ACAP2: variants seen among roughly 807,000 people sequenced by gnomAD.
ACAP2 encodes arf-GAP with coiled-coil, ANK repeat and PH domain-containing protein 2.
Under a neutral mutation model 115.8 loss-of-function variants are expected in ACAP2, and 39 were observed. The ratio of observed to expected loss-of-function variants is 0.34; its 90% CI spans 0.26 to 0.44. ACAP2 has a LOEUF of 0.44. Ranked by LOEUF, ACAP2 falls within the 20% of genes least tolerant of loss-of-function variation. The pLI is 1.00. For synonymous variants in ACAP2, 289 were observed against 315.8 expected, an observed-to-expected ratio of 0.92 and a Z score of 0.90; for missense variants, 662 against 927.6, an observed-to-expected ratio of 0.71 and a Z score of 3.72.
intron 8 of ACAP2, among the ~76,000 whole-genome samples, chr3:195,330,969 G>A (rs1161727429): frequency 6.6e-6 from 1 of 152,268 alleles, no homozygotes; most frequent in Non-Finnish European, 1.5e-5. Context: ...ACATAAGCCT[G>A]CACTCCTGCT....
intron 1 of ACAP2, among the ~76,000 whole-genome samples, chr3:195,411,687 T>C (rs1713272648): frequency 1.3e-5 from 2 of 152,158 alleles, no homozygotes; most frequent in Non-Finnish European, 2.9e-5. Context: ...AATAAATTTC[T>C]AGATCAAACC....
rs1733865683 is a variant in ACAP2 at position 195,380,406 on chromosome 3, G to A, written c.285+603C>T. On this transcript the variant is annotated intron_variant, in intron 4 of 22. Transcript: ENST00000326793. ...AAATAATTATACAACAGCCATATCA[G>A]TTAAGCTTTTTAAAAAATATAAGAA... is the stretch of plus-strand genomic sequence containing the variant. Among the ~76,000 whole-genome samples the A allele has an allele frequency of 2.6e-5, 4 of 152,114 alleles. No homozygotes were observed. The South Asian group carries it at 8.3e-4, about 31-fold the overall frequency.
At chr3:195,349,884 A>G in intron 4 of ACAP2, 1 of 284,822 alleles carries the variant, frequency 3.5e-6, no homozygotes, top group South Asian at 3.6e-5. Flanking sequence ...ACAAAGGAAC[A>G]AGCAATATCT....
chr3:195,430,351 G>A (rs1715022959), intron 1 of ACAP2, among the ~76,000 whole-genome samples: 1 of 152,096 alleles, frequency 6.6e-6, no homozygotes, highest in Non-Finnish European at 1.5e-5. Flanking sequence ...TTTTTAAAGT[G>A]TATATATTTT....
chr3:195,327,458 T>G (rs1729868088), intron 8 of ACAP2, among the ~76,000 whole-genome samples: 1 of 152,182 alleles, frequency 6.6e-6, no homozygotes, highest in Non-Finnish European at 1.5e-5. Context: ...TGCTTCTTCA[T>G]GTTTTCAGGT....
At chr3:195,312,819 TA>T (rs1336339555) in intron 10 of ACAP2, 1 of 152,198 alleles carries the variant, frequency 6.6e-6, no homozygotes, top group Non-Finnish European at 1.5e-5. Context: ...CTTCCCAATT[TA>T]AAACATAAAG....
chr3:195,289,216 G>A lies in ACAP2; in HGVS notation c.2079C>T (p.Phe693=). Reference sequence around the variant, plus strand: ...CATGTTGATTGGCACCTCGTTTTAGGAATAAACATACCTGCCTGTTTAAGA... The same window carrying A: ...CATGTTGATTGGCACCTCGTTTTAGAAATAAACATACCTGCCTGTTTAAGA... The part of the protein sequence containing the change: ...VLGHTGQVCL[F]LKRGANQHAT... The change falls in exon 21 of 23, where the codon TTC becomes TTT. Residue 693 remains phenylalanine, a synonymous_variant. Transcript: ENST00000326793. The A allele has an allele frequency of 6.2e-7, 1 of 1,611,116 alleles. No homozygotes were observed. Among genetic ancestry groups the A allele is most frequent in the Non-Finnish European group, 8.5e-7 (1 of 1,178,832 alleles).
Position 195,435,398 on chromosome 3 carries a change from C to T in ACAP2, c.53+7397G>A, listed in dbSNP as rs1000788823. Among the ~76,000 whole-genome samples the T allele has an allele frequency of 6.6e-5, 10 of 152,080 alleles. 1 individual carries two copies. In the South Asian group the frequency reaches 2.1e-3, roughly 32 times the overall value. ...CCATGTTGGTCTCTCAATCTCCTGA[C>T]CTCGTGATCCACCCACCTCGGCCTC... On this transcript the variant is annotated intron_variant, in intron 1 of 22. Transcript: ENST00000326793.
intron 22 of ACAP2, among the ~76,000 whole-genome samples, chr3:195,283,752 C>A (rs1726657790): frequency 6.6e-6 from 1 of 152,156 alleles, no homozygotes; most frequent in Non-Finnish European, 1.5e-5. Context: ...AAATCTAACC[C>A]TTCTCAAGAT....
At chr3:195,380,446 A>AG (rs1210275527) in intron 4 of ACAP2, among the ~76,000 whole-genome samples, 2 of 152,226 alleles carry the variant, frequency 1.3e-5, no homozygotes, top group Non-Finnish European at 2.9e-5. Flanking sequence ...ACAGCTTATA[A>AG]GCTGCCATAT....
chr3:195,325,419 T>C (rs1267282460), intron 9 of ACAP2: 2 of 316,304 alleles, frequency 6.3e-6, no homozygotes, highest in South Asian at 2.5e-5. Flanking sequence ...GACTGATTTT[T>C]TTTTTTTTTT....
At chr3:195,299,903 T>C (rs927876625) in intron 15 of ACAP2, among the ~76,000 whole-genome samples, 1 of 152,100 alleles carries the variant, frequency 6.6e-6, no homozygotes, top group Non-Finnish European at 1.5e-5. Flanking sequence ...CTACACTAAA[T>C]AAATTCACAA....
chr3:195,294,580 A>G (rs1252421894), intron 18 of ACAP2, 139 bp downstream of exon 18: 3 of 89,282 alleles, frequency 3.4e-5, no homozygotes, highest in Admixed American at 2.5e-4. Context: ...CTCCATCTCA[A>G]AAAAAAAAGA....
At chr3:195,375,323 CAGAT>C (rs1733451164) in intron 4 of ACAP2, among the ~76,000 whole-genome samples, 1 of 152,032 alleles carries the variant, frequency 6.6e-6, no homozygotes, top group Non-Finnish European at 1.5e-5. Flanking sequence ...TTTTTTCACC[CAGAT>C]AGGTGCCCTT....
chr3:195,435,007 AG>A (rs1715424963), intron 1 of ACAP2, among the ~76,000 whole-genome samples: 1 of 150,424 alleles, frequency 6.6e-6, no homozygotes, highest in Non-Finnish European at 1.5e-5. Context: ...CCATTTTGTT[AG>A]GCTTTTCAAA....
At chr3:195,296,218 G>GAA (rs1039578782) in intron 16 of ACAP2, among the ~76,000 whole-genome samples, 1 of 137,170 alleles carries the variant, frequency 7.3e-6, no homozygotes, top group Non-Finnish European at 1.6e-5. Context: ...AACATCACCA[G>GAA]AAAAAAAAAA....
chr3:195,334,122 C>A (rs1407223676), intron 7 of ACAP2, among the ~76,000 whole-genome samples: 1 of 151,482 alleles, frequency 6.6e-6, no homozygotes, highest in Non-Finnish European at 1.5e-5. Flanking sequence ...TTCTAAACAT[C>A]CATATTATTT....
At chr3:195,280,077 G>C (rs11716889) in intron 22 of ACAP2, among the ~76,000 whole-genome samples, 2,445 of 151,928 alleles carry the variant, frequency 0.016, 36 homozygotes, top group Middle Eastern at 0.024. Flanking sequence ...GAAGCTGGGT[G>C]GGGGGGTTGG....
intron 4 of ACAP2, among the ~76,000 whole-genome samples, chr3:195,366,124 C>T (rs1197518239): frequency 2.6e-5 from 4 of 152,268 alleles, no homozygotes; most frequent in Admixed American, 6.5e-5. Flanking sequence ...GGATTACAGG[C>T]GTGAGCTACC....
Sources: gnomAD v4.1 joint callset for allele counts (sites outside exome capture counted in the v4.1 genomes callset) on GRCh38, gnomAD v4.1.1 for gene constraint, MANE v1.5 for transcripts, NCBI Gene and HGNC (gene_info 2026-07-23, HGNC 2026-07-21) for gene names.